The following FANCL variants were observed in gnomAD, a reference collection of about 807,000 sequenced individuals.
FANCL encodes FA complementation group L.
A neutral mutation model predicts 59.4 loss-of-function variants in FANCL; 69 were observed. The observed-to-expected ratio is 1.16, with a 90% CI of 0.96 to 1.42. The LOEUF is 1.42. Ranked by LOEUF, FANCL falls within the 40% of genes most tolerant of loss-of-function variation. The probability of loss-of-function intolerance (pLI) is 0.00; values close to 1 mark genes in which losing one functional copy is unlikely to be tolerated. For missense variants in FANCL, 519 were observed against 447.2 expected, an observed-to-expected ratio of 1.16 and a Z score of -1.45; for synonymous variants, 180 against 147.1, an observed-to-expected ratio of 1.22 and a Z score of -1.62.
At chr2:58,210,643 C>G (rs972948484) in intron 5 of FANCL, among the ~76,000 whole-genome samples, 2 of 152,114 alleles carry the variant, frequency 1.3e-5, no homozygotes, top group African/African-American at 4.8e-5. Flanking sequence ...AAGTCTCTTC[C>G]ACCGATGAGC....
intron 4 of FANCL, among the ~76,000 whole-genome samples, chr2:58,224,035 A>G (rs576553021): frequency 6.6e-6 from 1 of 152,002 alleles, no homozygotes; most frequent in African/African-American, 2.4e-5. Context: ...AAGCTAAAAT[A>G]CAGGATTTCA....
intron 5 of FANCL, among the ~76,000 whole-genome samples, chr2:58,215,886 A>C (rs896535003): frequency 6.6e-6 from 1 of 151,782 alleles, no homozygotes; most frequent in Non-Finnish European, 1.5e-5. Flanking sequence ...TAAAAAGTCA[A>C]GCAGAAAGGC....
chr2:58,163,661 T>C, intron 8 of FANCL, 144 bp from the exon 9 acceptor site: 1 of 633,368 alleles, frequency 1.6e-6, no homozygotes, highest in Non-Finnish European at 2.9e-6. Context: ...TTTTATGTAA[T>C]GGTAAATATA....
intron 1 of FANCL, among the ~76,000 whole-genome samples, chr2:58,233,404 T>C (rs1291919328): frequency 6.6e-6 from 1 of 152,058 alleles, no homozygotes; most frequent in Non-Finnish European, 1.5e-5. Context: ...TTAGTTAAAG[T>C]ATCTAGAAAT....
At chr2:58,195,200 A>T (rs893318460) in intron 7 of FANCL, among the ~76,000 whole-genome samples, 6 of 152,170 alleles carry the variant, frequency 3.9e-5, no homozygotes, top group Admixed American at 1.3e-4. Context: ...AAGAAGTCTC[A>T]CATTTCTTCT....
intron 1 of FANCL, among the ~76,000 whole-genome samples, chr2:58,236,958 T>C (rs1036349703): frequency 6.6e-6 from 1 of 152,118 alleles, no homozygotes; most frequent in Non-Finnish European, 1.5e-5. Flanking sequence ...CTTCAAAATA[T>C]ATGAAGCAAA....
At position 58,160,118 on chromosome 2, in the gene FANCL, T is replaced by A; in HGVS notation, c.1082A>T (p.Tyr361Phe). 1 of 1,612,702 alleles carries A rather than the reference T, an allele frequency of 6.2e-7. No individual in the cohort carries two copies. The highest frequency in any genetic ancestry group is 8.5e-7 in the Non-Finnish European group (1 of 1,178,930). Residue 361 changes from tyrosine to phenylalanine, a missense_variant, in exon 13 of 14, where the codon TAT (tyrosine) becomes TTT (phenylalanine). By Grantham distance (22) the Tyr-to-Phe change is conservative. Transcript: ENST00000233741. Reference sequence around the variant, plus strand: ...TAACAATTTGCTTACCTTACTACAATATGGACATTCACCAAATATGATGTT... The same window carrying A: ...TAACAATTTGCTTACCTTACTACAAAATGGACATTCACCAAATATGATGTT... Reference protein sequence around the residue: ...SFNIIFGECPYCSKPITLKMS... With the variant: ...SFNIIFGECPFCSKPITLKMS...
chr2:58,163,604 C>T, intron 8 of FANCL, 87 bp from the exon 9 acceptor site: 2 of 810,840 alleles, frequency 2.5e-6, no homozygotes, highest in South Asian at 2.9e-5. Context: ...GGTCTGGCTA[C>T]CTATTTCACT....
chr2:58,214,296 G>T (rs1439749630), intron 5 of FANCL, among the ~76,000 whole-genome samples: 1 of 151,956 alleles, frequency 6.6e-6, no homozygotes, highest in Non-Finnish European at 1.5e-5. Flanking sequence ...TCCTACATTA[G>T]AACAATGGGT....
intron 5 of FANCL, among the ~76,000 whole-genome samples, chr2:58,215,890 G>A (rs754894485): frequency 6.6e-6 from 1 of 151,542 alleles, no homozygotes; most frequent in Non-Finnish European, 1.5e-5. Flanking sequence ...AAGTCAAGCA[G>A]AAAGGCAATG....
intron 3 of FANCL, among the ~76,000 whole-genome samples, chr2:58,228,773 TG>T (rs1445302949): frequency 6.6e-6 from 1 of 152,138 alleles, no homozygotes; most frequent in Non-Finnish European, 1.5e-5. Flanking sequence ...CCTAACCAAT[TG>T]GGGGGCAAGG....
chr2:58,175,381 C>T (rs1401820362), intron 7 of FANCL, among the ~76,000 whole-genome samples: 1 of 150,072 alleles, frequency 6.7e-6, no homozygotes, highest in Non-Finnish European at 1.5e-5. Flanking sequence ...TGCAAAAATC[C>T]TCAATAAAAT....
intron 5 of FANCL, among the ~76,000 whole-genome samples, chr2:58,212,691 A>G (rs551476116): frequency 2.6e-5 from 4 of 152,304 alleles, no homozygotes; most frequent in South Asian, 4.1e-4. Flanking sequence ...CATGGGCAGA[A>G]GTTAACAGAA....
chr2:58,171,573 A>G (rs1375564119), intron 7 of FANCL, among the ~76,000 whole-genome samples: 1 of 152,226 alleles, frequency 6.6e-6, no homozygotes, highest in Non-Finnish European at 1.5e-5. Flanking sequence ...CAAAAAAATC[A>G]ATGAACCCAG....
intron 7 of FANCL, among the ~76,000 whole-genome samples, chr2:58,170,471 G>C (rs1460599636): frequency 6.6e-6 from 1 of 151,556 alleles, no homozygotes; most frequent in Non-Finnish European, 1.5e-5. Context: ...TGAAGAAACT[G>C]CATCAACTAA....
rs573273746 is a variant in FANCL, at chr2:58,221,892, T to C, written c.374+50A>G. The C allele has an allele frequency of 6.8e-6, 9 of 1,317,406 alleles. No individual in the cohort carries two copies. The East Asian group carries it at 2.2e-4, about 32-fold the overall frequency. The allele number at this position is 1,317,406 out of a possible 1,614,324, so 81.6% of individuals were successfully genotyped here. ...TGCTAAAACTAGAAATACATTAAGT[T>C]AAAATATATAAAACAAAGGCATTTA... On this transcript the variant is annotated intron_variant, in intron 5 of 13. Coordinates refer to ENST00000233741, the MANE Select transcript of FANCL (RefSeq NM_018062.4).
At chr2:58,168,805 C>T (rs1354526497) in intron 7 of FANCL, among the ~76,000 whole-genome samples, 1 of 152,060 alleles carries the variant, frequency 6.6e-6, no homozygotes, top group Non-Finnish European at 1.5e-5. Context: ...ACGTGGTTTA[C>T]CCCTCACAGT....
At chr2:58,241,357 G>A (rs780348127), upstream of FANCL, 106 of 1,588,602 alleles carry the variant, frequency 6.7e-5, no homozygotes, top group African/African-American at 9.4e-5. Context: ...AGACCTGCTG[G>A]GTCCTGCACA....
At position 58,241,258 on chromosome 2, in the gene FANCL, T is replaced by C. The variant is rs202162281; in HGVS notation, c.56A>G (p.Asn19Ser). The change falls in exon 1 of 14, where the codon AAC (asparagine) becomes AGC (serine). Residue 19 changes from asparagine to serine, a missense_variant. Coordinates refer to ENST00000233741, the MANE Select transcript of FANCL (RefSeq NM_018062.4). ...TCCCTCATACACGGTTTTCGACCGG[T>C]TCTGGGGCAGAAGCAGGGGGCACTG... ...LRQCPLLLPQNRSKTVYEGFI... is the reference protein window; with the variant it reads ...LRQCPLLLPQSRSKTVYEGFI... 3.7e-6 allele frequency: 6 copies of C among 1,614,182 alleles called. No homozygotes were observed. The Admixed American group carries it at 1.0e-4, about 27-fold the overall frequency.
Sources: allele counts gnomAD v4.1 joint callset (sites outside exome capture counted in the v4.1 genomes callset), GRCh38; gene constraint gnomAD v4.1.1; transcripts MANE v1.5; gene names NCBI Gene and HGNC (gene_info 2026-07-23, HGNC 2026-07-21).